The following SORCS2 variants were observed in gnomAD, a reference collection of about 807,000 sequenced individuals.
SORCS2 encodes the protein sortilin related VPS10 domain containing receptor 2.
Under a neutral mutation model 141.6 loss-of-function variants are expected in SORCS2, and 100 were observed. That is an observed-to-expected ratio of 0.71 (90% CI 0.60 to 0.83). SORCS2 has a LOEUF of 0.83. SORCS2 is among the 40% of genes least tolerant of loss of function. SORCS2 has a pLI of 0.00. For missense variants in SORCS2, 1,646 were observed against 1,560.2 expected (o/e 1.05, Z -0.93); for synonymous variants, 789 against 676.9 (o/e 1.17, Z -2.57).
intron 4 of SORCS2, among the ~76,000 whole-genome samples, chr4:7,640,296 GTC>G (rs200342109): frequency 0.045 from 6,843 of 150,764 alleles, 508 homozygotes; most frequent in African/African-American, 0.16. Flanking sequence ...GAGCATGTGA[GTC>G]TACATGAGTG....
intron 2 of SORCS2, among the ~76,000 whole-genome samples, chr4:7,475,924 T>C (rs1182948390): frequency 9.2e-5 from 14 of 152,226 alleles, no homozygotes; most frequent in Non-Finnish European, 1.0e-4. Context: ...TCCATGTTCT[T>C]GTCCCTTCGG....
At chr4:7,707,273 G>C (rs1236921406) in intron 14 of SORCS2, among the ~76,000 whole-genome samples, 1 of 152,222 alleles carries the variant, frequency 6.6e-6, no homozygotes, top group Admixed American at 6.5e-5. Context: ...AGGGACCTCT[G>C]ATCATGGAGA....
At chr4:7,457,607 G>T (rs1344542022) in intron 2 of SORCS2, among the ~76,000 whole-genome samples, 2 of 151,714 alleles carry the variant, frequency 1.3e-5, no homozygotes, top group Non-Finnish European at 2.9e-5. Flanking sequence ...CAGGGAGTGT[G>T]CCCTAGTGAG....
Position 7,667,204 on chromosome 4 carries a change from A to C in SORCS2, c.1152A>C (p.Ala384=), listed in dbSNP as rs1722556084. The part of the protein sequence containing the change: ...EFVLMKLPKY[A]LPKDLQIIST... ...TCCTGATGAAGCTGCCGAAGTATGCATTGCCAAAGGTAAGGTGCTCCCCAT... is the reference window on the plus strand; with the variant it reads ...TCCTGATGAAGCTGCCGAAGTATGCCTTGCCAAAGGTAAGGTGCTCCCCAT... Residue 384 remains alanine, a synonymous_variant, in exon 8 of 27, where the codon GCA becomes GCC. Transcript: ENST00000507866. 1.2e-6 allele frequency: 2 copies of C among 1,613,792 alleles called. No homozygotes were observed. Among genetic ancestry groups the C allele is most frequent in the South Asian group, 1.1e-5 (1 of 91,074 alleles).
chr4:7,721,294 G>C (rs540667908), intron 18 of SORCS2, among the ~76,000 whole-genome samples: 5 of 152,136 alleles, frequency 3.3e-5, no homozygotes, highest in African/African-American at 1.2e-4. Flanking sequence ...ACGAAACCCT[G>C]TCTCTGCTAA....
chr4:7,502,232 T>C (rs2109432847), intron 2 of SORCS2, among the ~76,000 whole-genome samples: 1 of 152,268 alleles, frequency 6.6e-6, no homozygotes, highest in African/African-American at 2.4e-5. Context: ...ATGTGCCCCG[T>C]GAGAGCCGGA....
intron 1 of SORCS2, among the ~76,000 whole-genome samples, chr4:7,205,673 G>T (rs574045850): frequency 6.6e-5 from 10 of 152,346 alleles, no homozygotes; most frequent in African/African-American, 2.4e-4. Context: ...TGAAAACAAA[G>T]AGGCCATTGT....
intron 1 of SORCS2, among the ~76,000 whole-genome samples, chr4:7,293,713 G>A (rs529927207): frequency 6.6e-6 from 1 of 152,300 alleles, no homozygotes; most frequent in South Asian, 2.1e-4. Flanking sequence ...CTCTACTGGC[G>A]ATCCCTATGC....
At chr4:7,703,069 G>A (rs371511267) in intron 12 of SORCS2, among the ~76,000 whole-genome samples, 41 of 152,328 alleles carry the variant, frequency 2.7e-4, no homozygotes, top group African/African-American at 6.0e-4. Context: ...GTTGCTGTCC[G>A]CCATTCAGTC....
intron 2 of SORCS2, among the ~76,000 whole-genome samples, chr4:7,418,027 G>A (rs1725808481): frequency 6.6e-6 from 1 of 152,172 alleles, no homozygotes; most frequent in South Asian, 2.1e-4. Context: ...GCCCTTACCA[G>A]GCACTTGGCC....
intron 2 of SORCS2, among the ~76,000 whole-genome samples, chr4:7,506,497 T>C (rs1249804637): frequency 1.4e-5 from 2 of 147,088 alleles, no homozygotes; most frequent in Non-Finnish European, 3.0e-5. Context: ...CACCCACTCA[T>C]TCATTCATTT....
intron 3 of SORCS2, among the ~76,000 whole-genome samples, chr4:7,608,409 G>T (rs951231648): frequency 3.9e-5 from 6 of 152,194 alleles, no homozygotes; most frequent in Admixed American, 6.5e-5. Context: ...TATTGACACA[G>T]AACTCAAGCT....
chr4:7,671,636 T>C (rs1342066017), intron 8 of SORCS2, among the ~76,000 whole-genome samples: 4 of 152,040 alleles, frequency 2.6e-5, no homozygotes, highest in South Asian at 2.1e-4. Context: ...AACTTAAAGA[T>C]AAGACAATTA....
rs144629806 is a variant in SORCS2 at position 7,737,382 on chromosome 4, A to G, written c.3415+210A>G. 4.2e-3 allele frequency among the ~76,000 whole-genome samples: 634 copies of G among 152,106 alleles called. 4 individuals carry two copies. Among genetic ancestry groups the G allele is most frequent in the African/African-American group, 0.014 (598 of 41,514 alleles). ...GGACCTGACAGGGCTGCCGGCAGAG[A>G]TGAAATCTGAGACATGTGGACGCTG... On this transcript the variant is annotated intron_variant, in intron 26 of 26. Transcript: ENST00000507866.
At chr4:7,446,820 G>A (rs1476155079) in intron 2 of SORCS2, among the ~76,000 whole-genome samples, 1 of 152,244 alleles carries the variant, frequency 6.6e-6, no homozygotes, top group Non-Finnish European at 1.5e-5. Context: ...ATGGAGATAG[G>A]ACCTGTGTCC....
intron 5 of SORCS2, among the ~76,000 whole-genome samples, chr4:7,656,596 G>A (rs1721794836): frequency 6.6e-6 from 1 of 152,250 alleles, no homozygotes; most frequent in Non-Finnish European, 1.5e-5. Context: ...CTGAGACTCG[G>A]TCCACCTCTG....
intron 2 of SORCS2, among the ~76,000 whole-genome samples, chr4:7,421,797 G>T (rs1353972001): frequency 6.6e-6 from 1 of 150,710 alleles, no homozygotes; most frequent in Non-Finnish European, 1.5e-5. Flanking sequence ...CCAGTCTGGA[G>T]GGCTCCTGTC....
chr4:7,612,415 C>T (rs1718466703), intron 3 of SORCS2, among the ~76,000 whole-genome samples: 1 of 152,212 alleles, frequency 6.6e-6, no homozygotes, highest in South Asian at 2.1e-4. Context: ...CTCGGTCCTT[C>T]TGGCCACGAT....
chr4:7,734,890 G>T (rs907812159), intron 25 of SORCS2, among the ~76,000 whole-genome samples: 1 of 152,228 alleles, frequency 6.6e-6, no homozygotes, highest in Non-Finnish European at 1.5e-5. Flanking sequence ...GGCTCTGGGT[G>T]TCCCCGTGAG....
Sources: allele counts gnomAD v4.1 joint callset (sites outside exome capture counted in the v4.1 genomes callset), GRCh38; gene constraint gnomAD v4.1.1; transcripts MANE v1.5; gene names NCBI Gene and HGNC (gene_info 2026-07-23, HGNC 2026-07-21).